Variants in DNAH9 observed in about 807,000 individuals in gnomAD.
DNAH9 encodes the protein dynein axonemal heavy chain 9, also known as DNAH9 variant protein.
A neutral mutation model predicts 471.6 loss-of-function variants in DNAH9; 345 were observed. The ratio of observed to expected loss-of-function variants is 0.73; its 90% confidence interval spans 0.67 to 0.80. The LOEUF (loss-of-function observed/expected upper bound fraction) is 0.80. Among genes scored for constraint, DNAH9 ranks in the 30% least tolerant of loss-of-function variants. The pLI is 0.00. For synonymous variants in DNAH9, 2,093 were observed against 2,123.6 expected, an observed-to-expected ratio of 0.99 and a Z score of 0.40; for missense variants, 5,407 against 5,609.2, an observed-to-expected ratio of 0.96 and a Z score of 1.15.
At chr17:11,625,813 G>A (rs2150665957) in intron 6 of DNAH9, among the ~76,000 whole-genome samples, 1 of 152,286 alleles carries the variant, frequency 6.6e-6, no homozygotes, top group East Asian at 1.9e-4. Context: ...TGTCTTGAAA[G>A]AAGCACCCAA....
intron 41 of DNAH9, among the ~76,000 whole-genome samples, chr17:11,792,797 G>A (rs1212590682): frequency 3.3e-5 from 5 of 152,202 alleles, no homozygotes; most frequent in African/African-American, 1.2e-4. Flanking sequence ...CCCTCATTGT[G>A]GGTGATTCAA....
intron 62 of DNAH9, among the ~76,000 whole-genome samples, chr17:11,928,737 CAGAGTGGTTTGG>C (rs2151033336): frequency 6.6e-6 from 1 of 152,298 alleles, no homozygotes; most frequent in South Asian, 2.1e-4. Flanking sequence ...CAACAATTAA[CAGAGTGGTTTGG>C]AGAGTGGAGA....
At chr17:11,917,239 C>T (rs557542086) in intron 61 of DNAH9, among the ~76,000 whole-genome samples, 4 of 152,300 alleles carry the variant, frequency 2.6e-5, no homozygotes, top group Admixed American at 1.3e-4. Flanking sequence ...CTGCAACAAC[C>T]TCCACCTCCC....
At chr17:11,933,813 G>A in intron 64 of DNAH9, 67 bp from the exon 65 acceptor site, 1 of 1,468,898 alleles carries the variant, frequency 6.8e-7, no homozygotes. Flanking sequence ...GCCCAGATGG[G>A]AGGCCAGCCC....
chr17:11,707,345 C>T (rs887836782), intron 26 of DNAH9, among the ~76,000 whole-genome samples: 2 of 152,158 alleles, frequency 1.3e-5, no homozygotes, highest in African/African-American at 4.8e-5. Flanking sequence ...AGTGATATCA[C>T]TTGTATTTTA....
At chr17:11,741,922 C>G (rs1472943894) in intron 29 of DNAH9, among the ~76,000 whole-genome samples, 2 of 152,260 alleles carry the variant, frequency 1.3e-5, no homozygotes, top group East Asian at 3.9e-4. Context: ...ATTATCCAGC[C>G]CCTTAAGAAG....
rs1342858467 is a variant in DNAH9, at chr17:11,797,801, T to G, written c.8420+8T>G. 4 of 1,609,222 alleles carry G rather than the reference T, an allele frequency of 2.5e-6. No homozygotes were observed. The African/African-American group carries it at 4.0e-5, about 16-fold the overall frequency. ...GGATGCCATGCGCCATGTGTAAGTG[T>G]GCTTCTCCTCTTCCTTTTCCTCAGT... On this transcript the variant is annotated splice_region_variant and intron_variant, in intron 43 of 68. Transcript: ENST00000262442.
chr17:11,931,994 A>G lies in DNAH9; in HGVS notation c.12106-20A>G, dbSNP rs765911402. 1 of 1,613,064 alleles carries G rather than the reference A, an allele frequency of 6.2e-7. No individual in the cohort carries two copies. Among genetic ancestry groups the G allele is most frequent in the Non-Finnish European group, 8.5e-7 (1 of 1,179,298 alleles). On this transcript the variant is annotated intron_variant, in intron 63 of 68. Coordinates refer to ENST00000262442, the MANE Select transcript of DNAH9 (RefSeq NM_001372.4). ...AAGAGAAGTTGTGTGCGAACCTTAAAAGCGACACTCTCATTTCAGGACACT... is the reference window on the plus strand; with the variant it reads ...AAGAGAAGTTGTGTGCGAACCTTAAGAGCGACACTCTCATTTCAGGACACT...
intron 1 of DNAH9, among the ~76,000 whole-genome samples, chr17:11,607,734 TA>T (rs1159629956): frequency 6.6e-6 from 1 of 152,036 alleles, no homozygotes; most frequent in Non-Finnish European, 1.5e-5. Flanking sequence ...CACACCCGGC[TA>T]ATTTTTGTAT....
chr17:11,808,069 C>G (rs1969758971), intron 44 of DNAH9, among the ~76,000 whole-genome samples, 175 bp downstream of exon 44: 1 of 152,194 alleles, frequency 6.6e-6, no homozygotes. Context: ...TAGACTCAGC[C>G]TGAGAACAGT....
intron 28 of DNAH9, among the ~76,000 whole-genome samples, chr17:11,731,848 C>T (rs1412195234): frequency 6.6e-6 from 1 of 151,956 alleles, no homozygotes; most frequent in East Asian, 1.9e-4. Flanking sequence ...TGAATAGTGC[C>T]GCAATAAACA....
intron 45 of DNAH9, among the ~76,000 whole-genome samples, chr17:11,819,412 T>C (rs1469787302): frequency 6.6e-6 from 1 of 152,184 alleles, no homozygotes; most frequent in Non-Finnish European, 1.5e-5. Context: ...GTCCAGCCCT[T>C]GTCTGCCTCC....
At chr17:11,717,174 G>T (rs1391320411) in intron 26 of DNAH9, among the ~76,000 whole-genome samples, 1 of 152,192 alleles carries the variant, frequency 6.6e-6, no homozygotes, top group Non-Finnish European at 1.5e-5. Context: ...GCCTTTCAAA[G>T]GCTGAAACAG....
chr17:11,646,219 A>G (rs995523295), intron 11 of DNAH9, among the ~76,000 whole-genome samples: 1 of 151,008 alleles, frequency 6.6e-6, no homozygotes, highest in Non-Finnish European at 1.5e-5. Flanking sequence ...GGGTTTCTCC[A>G]TGTTGGTCAG....
chr17:11,899,058 G>A (rs1343254750), intron 59 of DNAH9, among the ~76,000 whole-genome samples: 2 of 152,108 alleles, frequency 1.3e-5, no homozygotes, highest in African/African-American at 4.8e-5. Flanking sequence ...GATATGAGCA[G>A]GTGAAACACA....
Position 11,962,604 on chromosome 17 carries a change from G to A in DNAH9, c.13233+348G>A, listed in dbSNP as rs967962512. 1.3e-5 allele frequency among the ~76,000 whole-genome samples: 2 copies of A among 152,048 alleles called. No individual in the cohort carries two copies. The highest frequency in any genetic ancestry group is 4.8e-5 in the African/African-American group (2 of 41,416). ...AAGAGCGTCATTGTAAAAGTTAAAC[G>A]AGCTAATATGTAAGACACTTGAACA... On this transcript the variant is annotated intron_variant, in intron 68 of 68. Transcript: ENST00000262442. This position sits in a 1 kb window ranked among gnomAD's most constrained non-coding sequence, Gnocchi z 4.1.
chr17:11,878,545 T>TTTTGTTTGTTTG lies in DNAH9; in HGVS notation c.10479-1517_10479-1506dup, dbSNP rs113781997. On this transcript the variant is annotated intron_variant, in intron 53 of 68. Transcript: ENST00000262442. Reference sequence around the variant, plus strand: ...CACCTACATTTTTAGTTTTTAGTTTTTTTGTTTGTTTGTTTGTTTGTTTGT... The same window carrying TTTTGTTTGTTTG: ...CACCTACATTTTTAGTTTTTAGTTTTTTTGTTTGTTTGTTTGTTTGTTTGTTTGTTTGTTTGT... Among the ~76,000 whole-genome samples the TTTTGTTTGTTTG allele has an allele frequency of 1.2e-3, 181 of 151,942 alleles. 3 individuals carry two copies. In the East Asian group the frequency reaches 0.012, roughly 10 times the overall value.
intron 4 of DNAH9, among the ~76,000 whole-genome samples, chr17:11,616,786 A>G (rs538773956): frequency 3.9e-5 from 6 of 152,328 alleles, no homozygotes; most frequent in African/African-American, 1.4e-4. Flanking sequence ...GAATTGAACA[A>G]TGGGTACACT....
At chr17:11,958,886 G>C (rs1414794588) in intron 67 of DNAH9, among the ~76,000 whole-genome samples, 4 of 152,084 alleles carry the variant, frequency 2.6e-5, no homozygotes, top group Admixed American at 2.6e-4. Context: ...TTAGCAAAAT[G>C]TTAACAAATC....
Sources: gnomAD v4.1 joint callset for allele counts (sites outside exome capture counted in the v4.1 genomes callset) on GRCh38, gnomAD v4.1.1 for gene constraint, Gnocchi (gnomAD v3.1) non-coding constraint, MANE v1.5 for transcripts, NCBI Gene and HGNC (gene_info 2026-07-23, HGNC 2026-07-21) for gene names.